Variants in OTOGL observed in about 807,000 individuals in gnomAD.
The protein encoded by OTOGL is otogelin-like protein.
Under a neutral mutation model 318.5 loss-of-function variants are expected in OTOGL, and 285 were observed. That is an observed-to-expected ratio of 0.89 (90% confidence interval 0.81 to 0.99). OTOGL has a LOEUF of 0.99. Among genes scored for constraint, OTOGL ranks in the 50% least tolerant of loss-of-function variants. The pLI is 0.00. For missense variants in OTOGL, 2,899 were observed against 2,845.6 expected, an observed-to-expected ratio of 1.02 and a Z score of -0.43; for synonymous variants, 987 against 936.5, an observed-to-expected ratio of 1.05 and a Z score of -0.99.
rs147764784 is a variant in OTOGL, at chr12:80,312,941, C to A, written c.3451-535C>A. ...ATTCTCCTGCCTCAGCCTCTTGAGT[C>A]CCTTGCTCCTTTTTTAATGCACTGT... On this transcript the variant is annotated intron_variant, in intron 30 of 58. Transcript: ENST00000547103. Among the ~76,000 whole-genome samples the A allele has an allele frequency of 3.8e-3, 584 of 152,162 alleles. 2 individuals are homozygous for A. Among genetic ancestry groups the A allele is most frequent in the Non-Finnish European group, 6.5e-3 (443 of 67,996 alleles).
At chr12:80,126,559 C>T (rs1042822069) in intron 1 of OTOGL, among the ~76,000 whole-genome samples, 4 of 152,100 alleles carry the variant, frequency 2.6e-5, no homozygotes, top group Non-Finnish European at 5.9e-5. Flanking sequence ...ATTGGGTCCG[C>T]TTGGTGCAGA....
rs1203639996 is a variant in OTOGL, at chr12:80,170,205, GTGTGTGTGTATGTA to G, written c.-19-39198_-19-39185del. On this transcript the variant is annotated intron_variant, in intron 1 of 58. Transcript: ENST00000547103. The stretch of plus-strand genomic sequence containing the variant: ...TGTGTGTGTGTGTGTGTGTGTGTGT[GTGTGTGTGTATGTA>G]TGTGTGTGTGTGTATGTATGTATGT... Among the ~76,000 whole-genome samples, 690 of 115,598 alleles carry G rather than the reference GTGTGTGTGTATGTA, an allele frequency of 6.0e-3. 7 individuals carry two copies. The highest frequency in any genetic ancestry group is 0.034 in the African/African-American group (665 of 19,768). 75.8% of individuals were successfully genotyped at this position (115,598 alleles called of 152,430 possible). A position where few individuals can be genotyped will look rare whatever the true frequency, so the allele number is the denominator to read the frequency against.
At chr12:80,198,135 T>C (rs1876208734) in intron 1 of OTOGL, among the ~76,000 whole-genome samples, 1 of 152,202 alleles carries the variant, frequency 6.6e-6, no homozygotes, top group Non-Finnish European at 1.5e-5. Context: ...ACTTAAAATA[T>C]TCTCCCCGTT....
chr12:80,374,909 T>G (rs928903123), intron 57 of OTOGL, among the ~76,000 whole-genome samples: 3 of 152,122 alleles, frequency 2.0e-5, no homozygotes, highest in African/African-American at 7.2e-5. Flanking sequence ...ACAACAGTTC[T>G]GGAAGGCAGG....
At chr12:80,207,858 GC>G (rs1435776015) in intron 1 of OTOGL, among the ~76,000 whole-genome samples, 1 of 152,020 alleles carries the variant, frequency 6.6e-6, no homozygotes, top group Non-Finnish European at 1.5e-5. Flanking sequence ...TTATAGTTTT[GC>G]CTGTGGTTGA....
At chr12:80,254,904 A>G in intron 15 of OTOGL, 136 bp from the exon 16 acceptor site, 1 of 741,634 alleles carries the variant, frequency 1.3e-6, no homozygotes, top group South Asian at 4.0e-5. Context: ...GTAGATTTTC[A>G]AAGTTTTGAT....
chr12:80,272,582 G>A (rs1451090252), intron 24 of OTOGL, among the ~76,000 whole-genome samples: 7 of 152,016 alleles, frequency 4.6e-5, no homozygotes, highest in African/African-American at 1.7e-4. Flanking sequence ...AATAGAGGCT[G>A]TGCAGAGGGA....
At chr12:80,208,131 A>AT in intron 1 of OTOGL, 1 of 480,604 alleles carries the variant, frequency 2.1e-6, no homozygotes, top group Non-Finnish European at 4.2e-6. Flanking sequence ...ATTTGGATGT[A>AT]TTTTCATGCT....
chr12:80,127,418 G>T (rs1464857782), intron 1 of OTOGL, among the ~76,000 whole-genome samples: 3 of 152,212 alleles, frequency 2.0e-5, no homozygotes, highest in Non-Finnish European at 4.4e-5. Flanking sequence ...TCCGCTGTTA[G>T]TCTGATGGGC....
Position 80,270,065 on chromosome 12 carries a change from A to G in OTOGL, c.2466-37A>G, listed in dbSNP as rs761952119. ...TCAGGGAAAAAAAAAAAAACAACAGATTTGGTTCCATAAATTAACTATTTA... is the reference window on the plus strand; with the variant it reads ...TCAGGGAAAAAAAAAAAAACAACAGGTTTGGTTCCATAAATTAACTATTTA... On this transcript the variant is annotated intron_variant, in intron 22 of 58. Coordinates refer to ENST00000547103, the MANE Select transcript of OTOGL (RefSeq NM_001378609.3). 4.1e-5 allele frequency: 60 copies of G among 1,452,758 alleles called. No individual in the cohort carries two copies. In the South Asian group the frequency reaches 5.2e-4, roughly 12 times the overall value. 90.0% of individuals were successfully genotyped at this position (1,452,758 alleles called of 1,614,324 possible). A position where few individuals can be genotyped will look rare whatever the true frequency, so the allele number is the denominator to read the frequency against.
intron 1 of OTOGL, among the ~76,000 whole-genome samples, chr12:80,185,641 A>G (rs1470568523): frequency 2.6e-5 from 4 of 152,198 alleles, no homozygotes; most frequent in African/African-American, 2.4e-5. Context: ...AAAAAGGGAT[A>G]ATAATGGCAT....
chr12:80,225,067 A>T (rs1167771164), intron 7 of OTOGL, among the ~76,000 whole-genome samples: 2 of 152,086 alleles, frequency 1.3e-5, no homozygotes, highest in African/African-American at 4.8e-5. Flanking sequence ...AAAAAACTAA[A>T]CAAAATAACA....
At chr12:80,244,927 G>A (rs1168549080) in intron 11 of OTOGL, among the ~76,000 whole-genome samples, 2 of 147,982 alleles carry the variant, frequency 1.4e-5, no homozygotes, top group South Asian at 2.1e-4. Context: ...GTGATGATGA[G>A]CATTTTTTCA....
intron 26 of OTOGL, among the ~76,000 whole-genome samples, chr12:80,280,935 A>ATT (rs879338389): frequency 6.7e-6 from 1 of 148,742 alleles, no homozygotes; most frequent in East Asian, 2.0e-4. Flanking sequence ...ATACCTAGGT[A>ATT]TTTTTTTTTT....
At chr12:80,329,014 A>G in intron 36 of OTOGL, 37 bp from the exon 37 acceptor site, 1 of 1,533,298 alleles carries the variant, frequency 6.5e-7, no homozygotes, top group Non-Finnish European at 8.9e-7. Context: ...TTTTATGCAA[A>G]TACAGTTTTA....
At position 80,255,054 on chromosome 12, in the gene OTOGL, GT is replaced by G. The variant is rs1233562246; in HGVS notation, c.1457del (p.Val486GlufsTer25). 4.7e-6 allele frequency: 7 copies of G among 1,482,044 alleles called. No individual in the cohort carries two copies. The highest frequency in any genetic ancestry group is 1.8e-4 in the Middle Eastern group (1 of 5,662). The allele number at this position is 1,482,044 out of a possible 1,614,324, so 91.8% of individuals were successfully genotyped here. A position where few individuals can be genotyped will look rare whatever the true frequency, so the allele number is the denominator to read the frequency against. ...TTTTTTGGCAGTTCAATGCTCAGTTGTAGGTGATTCTCACTTTACAACTTTT... is the reference window on the plus strand; with the variant it reads ...TTTTTTGGCAGTTCAATGCTCAGTTGAGGTGATTCTCACTTTACAACTTTT... ...EQDCPVQCSV[V>X]GDSHFTTFDG... is the part of the protein sequence containing the mutation. On this transcript the variant is annotated frameshift_variant, in exon 16 of 59. Coordinates refer to ENST00000547103, the MANE Select transcript of OTOGL (RefSeq NM_001378609.3). LOFTEE classifies it high-confidence loss of function.
chr12:80,352,293 A>G lies in OTOGL; in HGVS notation c.5266-2A>G. On this transcript the variant is annotated splice_acceptor_variant, in intron 44 of 58. Transcript: ENST00000547103. LOFTEE classifies it high-confidence loss of function. ...TTATTTCAAGGCAAAATGTTTCTCT[A>G]GGTTTCACCGGAAGACTTTTGTGAA... 6.2e-7 allele frequency: 1 copy of G among 1,606,262 alleles called. No homozygotes were observed. The highest frequency in any genetic ancestry group is 1.1e-5 in the South Asian group (1 of 89,252).
In OTOGL at chr12:80,359,487, G is replaced by C. The variant is rs1454063177; in HGVS notation, c.6267+587G>C. 2.6e-5 allele frequency among the ~76,000 whole-genome samples: 4 copies of C among 152,076 alleles called. 1 individual carries two copies. The highest frequency in any genetic ancestry group is 2.6e-4 in the Admixed American group (4 of 15,266). Reference sequence around the variant, plus strand: ...TTGAGAAAGACAATATATTCCTGGCGCTATTTATTAGAGAAGACAACGTTT... The same window carrying C: ...TTGAGAAAGACAATATATTCCTGGCCCTATTTATTAGAGAAGACAACGTTT... On this transcript the variant is annotated intron_variant, in intron 52 of 58. Transcript: ENST00000547103.
chr12:80,258,677 G>A (rs1882273800), intron 18 of OTOGL, among the ~76,000 whole-genome samples: 1 of 152,078 alleles, frequency 6.6e-6, no homozygotes, highest in Non-Finnish European at 1.5e-5. Flanking sequence ...GTAGACCATG[G>A]TTCTCATCCT....
Sources: allele counts gnomAD v4.1 joint callset (sites outside exome capture counted in the v4.1 genomes callset), GRCh38; gene constraint gnomAD v4.1.1; transcripts MANE v1.5; gene names NCBI Gene and HGNC (gene_info 2026-07-23, HGNC 2026-07-21).